Variants in MICU1 observed in about 807,000 individuals in gnomAD.
MICU1 encodes mitochondrial calcium uptake 1.
In MICU1, 45 loss-of-function variants were observed where a neutral mutation model predicts 56.8. The ratio of observed to expected loss-of-function variants is 0.79; its 90% CI spans 0.62 to 1.02. The LOEUF is 1.02. MICU1 is among the 50% of genes least tolerant of loss of function. The pLI, the probability that MICU1 is intolerant of heterozygous loss-of-function variation, is 0.00. For synonymous variants in MICU1, 186 were observed against 195.1 expected (o/e 0.95, Z 0.39); for missense variants, 504 against 587.1 (o/e 0.86, Z 1.46).
intron 2 of MICU1, among the ~76,000 whole-genome samples, chr10:72,565,108 C>G (rs1226845359): frequency 6.7e-6 from 1 of 149,838 alleles, no homozygotes; most frequent in Non-Finnish European, 1.5e-5. Context: ...TGGTGAAACC[C>G]TATCTCTACT....
At chr10:72,527,406 C>G (rs548671059) in intron 5 of MICU1, among the ~76,000 whole-genome samples, 1 of 151,952 alleles carries the variant, frequency 6.6e-6, no homozygotes, top group Non-Finnish European at 1.5e-5. Flanking sequence ...GGGTCTCACT[C>G]TGTCGCCCAG....
chr10:72,385,068 C>T (rs560604986), intron 10 of MICU1, among the ~76,000 whole-genome samples: 3 of 152,028 alleles, frequency 2.0e-5, no homozygotes, highest in Admixed American at 1.3e-4. Flanking sequence ...ATTGAGTCCT[C>T]GATGTAATTC....
intron 3 of MICU1, chr10:72,562,678 A>G (rs1840330354): frequency 5.3e-6 from 2 of 380,276 alleles, no homozygotes; most frequent in Non-Finnish European, 9.2e-6. Context: ...AAGAAAAAAT[A>G]TGCTAATCAT....
At chr10:72,625,108 A>C (rs1262011380) in intron 1 of MICU1, among the ~76,000 whole-genome samples, 1 of 152,214 alleles carries the variant, frequency 6.6e-6, no homozygotes. Flanking sequence ...GGGATGTTCT[A>C]ATATAAACAA....
At chr10:72,625,717 G>C (rs895388835) in intron 1 of MICU1, among the ~76,000 whole-genome samples, 6 of 152,194 alleles carry the variant, frequency 3.9e-5, no homozygotes, top group Non-Finnish European at 2.9e-5. Flanking sequence ...GGGCGTCGGC[G>C]CCAAGTTGCG....
At chr10:72,619,353 G>A (rs1313484024) in intron 1 of MICU1, among the ~76,000 whole-genome samples, 2 of 152,224 alleles carry the variant, frequency 1.3e-5, no homozygotes, top group Non-Finnish European at 2.9e-5. Flanking sequence ...GCTGAGGCAG[G>A]AGAACGGTGT....
At chr10:72,524,749 A>C (rs1867917833) in intron 5 of MICU1, 1 of 1,231,690 alleles carries the variant, frequency 8.1e-7, no homozygotes, top group Admixed American at 4.2e-5. Flanking sequence ...CAGAAATCCT[A>C]ATCAGAAGAT....
intron 8 of MICU1, among the ~76,000 whole-genome samples, chr10:72,436,261 C>T (rs1390858631): frequency 6.6e-6 from 1 of 152,196 alleles, no homozygotes; most frequent in Non-Finnish European, 1.5e-5. Flanking sequence ...TGGTGATACC[C>T]AGGCAAACAG....
At chr10:72,563,103 T>C in intron 2 of MICU1, 40 bp from the exon 3 acceptor site, 11 of 1,415,742 alleles carry the variant, frequency 7.8e-6, no homozygotes, top group Non-Finnish European at 1.0e-5. Context: ...ATCTTGAACG[T>C]CCATCATACT....
intron 8 of MICU1, among the ~76,000 whole-genome samples, chr10:72,436,788 C>T (rs987141868): frequency 3.9e-5 from 6 of 152,018 alleles, no homozygotes; most frequent in Non-Finnish European, 7.4e-5. Context: ...GCAGCCGATT[C>T]GATCAAGTGG....
At chr10:72,500,261 CATATATATATAT>C (rs869065639) in intron 6 of MICU1, among the ~76,000 whole-genome samples, 84 of 29,034 alleles carry the variant, frequency 2.9e-3, no homozygotes, top group South Asian at 8.4e-3. Flanking sequence ...TACATACATA[CATATATATATAT>C]ATATATATAT....
At chr10:72,375,976 C>T in intron 10 of MICU1, 104 bp from the exon 11 acceptor site, 1 of 1,025,482 alleles carries the variant, frequency 9.8e-7, no homozygotes, top group Non-Finnish European at 1.5e-6. Flanking sequence ...TTTTCAACTG[C>T]ATTTAAGTCA....
At chr10:72,390,221 A>AT (rs898652122) in intron 10 of MICU1, among the ~76,000 whole-genome samples, 1 of 152,178 alleles carries the variant, frequency 6.6e-6, no homozygotes, top group Non-Finnish European at 1.5e-5. Context: ...GAAATGTGAC[A>AT]TTTTTTACTC....
At chr10:72,558,242 T>C (rs773074060) in intron 3 of MICU1, among the ~76,000 whole-genome samples, 1 of 152,214 alleles carries the variant, frequency 6.6e-6, no homozygotes, top group Non-Finnish European at 1.5e-5. Context: ...GCCTGTGCTC[T>C]AAAAATACAG....
intron 10 of MICU1, among the ~76,000 whole-genome samples, chr10:72,403,670 T>TGTGTG (rs1554862082): frequency 1.3e-5 from 2 of 149,582 alleles, no homozygotes; most frequent in African/African-American, 2.5e-5. Flanking sequence ...TGTGTGTGTG[T>TGTGTG]TTTGAGACGG....
intron 1 of MICU1, among the ~76,000 whole-genome samples, chr10:72,574,922 G>A (rs575105902): frequency 1.4e-5 from 2 of 145,650 alleles, no homozygotes; most frequent in Non-Finnish European, 2.9e-5. Flanking sequence ...GGACAAGTGC[G>A]CTCAAAAAAA....
In MICU1 at chr10:72,604,659, AT is replaced by A; in HGVS notation, c.-2+21350del. 3.9e-5 allele frequency among the ~76,000 whole-genome samples: 6 copies of A among 152,022 alleles called. No individual in the cohort carries two copies. The East Asian group carries it at 9.7e-4, about 25-fold the overall frequency. ...AAGAATCTCCCTTTCTTACTTGAAGATGTTGTCTTAAACTTTGGGACTTAAA... is the reference window on the plus strand; with the variant it reads ...AAGAATCTCCCTTTCTTACTTGAAGAGTTGTCTTAAACTTTGGGACTTAAA... On this transcript the variant is annotated intron_variant, in intron 1 of 11. Transcript: ENST00000361114.
intron 10 of MICU1, among the ~76,000 whole-genome samples, chr10:72,393,965 C>T (rs191753957): frequency 6.3e-4 from 96 of 152,266 alleles, no homozygotes; most frequent in Admixed American, 1.1e-3. Flanking sequence ...GACAGGGTTT[C>T]ACCATGTTGG....
chr10:72,389,093 G>T (rs1035175333), intron 10 of MICU1, among the ~76,000 whole-genome samples: 1 of 152,228 alleles, frequency 6.6e-6, no homozygotes, highest in African/African-American at 2.4e-5. Flanking sequence ...CCAGATGTGT[G>T]ATGGCCTCAC....
Sources: allele counts gnomAD v4.1 joint callset (sites outside exome capture counted in the v4.1 genomes callset), GRCh38; gene constraint gnomAD v4.1.1; transcripts MANE v1.5; gene names NCBI Gene and HGNC (gene_info 2026-07-23, HGNC 2026-07-21).